Variants in FFAR4 observed in about 807,000 individuals in gnomAD.
The protein encoded by FFAR4 is free fatty acid receptor 4.
In FFAR4, 19 loss-of-function variants were observed where a neutral mutation model predicts 27.0. That is an observed-to-expected ratio of 0.70 (90% CI 0.49 to 1.03). FFAR4 has a LOEUF of 1.03. FFAR4 is among the 50% of genes least tolerant of loss of function. The probability of loss-of-function intolerance (pLI) is 0.00; values close to 1 mark genes in which losing one functional copy is unlikely to be tolerated. For synonymous variants in FFAR4, 254 were observed against 215.6 expected (o/e 1.18, Z -1.56); for missense variants, 476 against 479.0 (o/e 0.99, Z 0.06).
At chr10:93,574,937 AC>A (rs1352330488) in intron 1 of FFAR4, among the ~76,000 whole-genome samples, 1 of 152,198 alleles carries the variant, frequency 6.6e-6, no homozygotes, top group Non-Finnish European at 1.5e-5. Flanking sequence ...CTTTCCAGTC[AC>A]CAAAATGTGG....
rs538986070 is a variant in FFAR4, at chr10:93,574,702, C to T, written c.568-1389C>T. On this transcript the variant is annotated intron_variant, in intron 1 of 2. Transcript: ENST00000371481. The stretch of plus-strand genomic sequence containing the variant: ...AGGAGATCGAGACCATTCTGGCTAA[C>T]ATGGTGAAACCCCGTCTCTACTAAA... 1.2e-4 allele frequency among the ~76,000 whole-genome samples: 18 copies of T among 151,748 alleles called. No individual in the cohort carries two copies. In the South Asian group the frequency reaches 3.6e-3, roughly 30 times the overall value.
intron 2 of FFAR4, 83 bp from the exon 3 acceptor site, chr10:93,587,137 A>C: frequency 5.6e-6 from 7 of 1,243,640 alleles, no homozygotes; most frequent in East Asian, 2.3e-5. Context: ...GGGATAGCAG[A>C]TTCCAACTCT....
intron 2 of FFAR4, among the ~76,000 whole-genome samples, chr10:93,586,976 A>G (rs997937726): frequency 4.6e-5 from 7 of 152,166 alleles, no homozygotes; most frequent in Non-Finnish European, 7.3e-5. Context: ...AGACCACCCA[A>G]TTCAGGCTTT....
chr10:93,587,482 T>C lies in FFAR4; in HGVS notation c.959T>C (p.Leu320Pro), dbSNP rs757687502. 2 of 1,614,116 alleles carry C rather than the reference T, an allele frequency of 1.2e-6. No individual in the cohort carries two copies. Among genetic ancestry groups the C allele is most frequent in the Admixed American group, 1.7e-5 (1 of 59,998 alleles). Residue 320 changes from leucine to proline, a missense_variant, in exon 3 of 3, where the codon CTC (leucine) becomes CCC (proline). Leu to Pro is a moderately conservative substitution (Grantham distance 98). Transcript: ENST00000371481. ...GCTAATTCAGCCCTAAACCCCATCC[T>C]CTACAACATGACACTGTGCAGGAAT... ...TFANSALNPILYNMTLCRNEW... is the reference protein window; with the variant it reads ...TFANSALNPIPYNMTLCRNEW...
chr10:93,583,157 C>T (rs1184683925), intron 2 of FFAR4, among the ~76,000 whole-genome samples: 1 of 150,342 alleles, frequency 6.7e-6, no homozygotes, highest in Admixed American at 6.7e-5. Flanking sequence ...AATCCTAGCA[C>T]TTTGGGAGGC....
intron 2 of FFAR4, among the ~76,000 whole-genome samples, chr10:93,577,113 A>G (rs1294192573): frequency 1.3e-5 from 2 of 152,232 alleles, no homozygotes; most frequent in African/African-American, 2.4e-5. Context: ...AGGACGAGTC[A>G]GCCTGTTTTA....
Position 93,587,152 on chromosome 10 carries a change from C to A in FFAR4, c.697-68C>A, listed in dbSNP as rs545006479. Reference sequence around the variant, plus strand: ...GGGATAGCAGATTCCAACTCTTGGGCCCCTAACTCAAAATCCCCAACAACC... The same window carrying A: ...GGGATAGCAGATTCCAACTCTTGGGACCCTAACTCAAAATCCCCAACAACC... On this transcript the variant is annotated intron_variant, in intron 2 of 2. Transcript: ENST00000371481. The A allele has an allele frequency of 3.6e-6, 5 of 1,400,262 alleles. No individual in the cohort carries two copies. The African/African-American group carries it at 4.3e-5, about 12-fold the overall frequency. The allele number at this position is 1,400,262 out of a possible 1,614,324, so 86.7% of individuals were successfully genotyped here.
intron 2 of FFAR4, among the ~76,000 whole-genome samples, chr10:93,580,369 G>T (rs1400127774): frequency 6.6e-6 from 1 of 152,176 alleles, no homozygotes; most frequent in Non-Finnish European, 1.5e-5. Flanking sequence ...CTGTAACCCA[G>T]GTCTCATCTC....
chr10:93,580,088 G>A (rs551466504), intron 2 of FFAR4, among the ~76,000 whole-genome samples: 9 of 152,250 alleles, frequency 5.9e-5, no homozygotes, highest in South Asian at 4.1e-4. Flanking sequence ...TGATAATTTG[G>A]AAGCAGACAA....
At chr10:93,569,463 G>A (rs753039998) in intron 1 of FFAR4, among the ~76,000 whole-genome samples, 3 of 152,198 alleles carry the variant, frequency 2.0e-5, no homozygotes, top group African/African-American at 7.2e-5. Flanking sequence ...ACTTAGTACC[G>A]CACCACTGTT....
At chr10:93,573,305 C>G (rs556469422) in intron 1 of FFAR4, among the ~76,000 whole-genome samples, 2 of 152,220 alleles carry the variant, frequency 1.3e-5, no homozygotes, top group Non-Finnish European at 2.9e-5. Flanking sequence ...TTCTGTAACT[C>G]AGTAACAAGG....
In FFAR4 at chr10:93,567,304, G is replaced by A. The variant is rs780756179; in HGVS notation, c.567+17G>A. The A allele has an allele frequency of 1.2e-5, 19 of 1,594,130 alleles. No homozygotes were observed. The highest frequency in any genetic ancestry group is 1.7e-4 in the Middle Eastern group (1 of 6,026). On this transcript the variant is annotated intron_variant, in intron 1 of 2. Transcript: ENST00000371481. ...GCCGACCAGGTGAGCGCCCCTCTGT[G>A]TGTGCCGGGCAGGTGTCCTGCGCAG...
At position 93,566,895 on chromosome 10, in the gene FFAR4, G is replaced by A. The variant is rs1297564830; in HGVS notation, c.175G>A (p.Val59Met). The change falls in exon 1 of 3, where the codon GTG becomes ATG. Residue 59 changes from valine (V) to methionine (M), a missense_variant. Coordinates refer to ENST00000371481, the MANE Select transcript of FFAR4 (RefSeq NM_001195755.2). ...LIFAVSLLGN[V>M]CALVLVARRR... is the part of the protein sequence containing the mutation. Reference sequence around the variant, plus strand: ...CTTTGCAGTGTCGCTGCTGGGCAACGTGTGCGCCCTGGTGCTGGTGGCGCG... The same window carrying A: ...CTTTGCAGTGTCGCTGCTGGGCAACATGTGCGCCCTGGTGCTGGTGGCGCG... The A allele has an allele frequency of 6.2e-7, 1 of 1,606,610 alleles. No homozygotes were observed.
chr10:93,580,568 A>T (rs184060064), intron 2 of FFAR4, among the ~76,000 whole-genome samples: 88 of 152,308 alleles, frequency 5.8e-4, no homozygotes, highest in African/African-American at 2.1e-3. Flanking sequence ...ATGCCAATAT[A>T]CTTTGAGGAT....
At chr10:93,578,967 T>G (rs2058183080) in intron 2 of FFAR4, among the ~76,000 whole-genome samples, 1 of 152,198 alleles carries the variant, frequency 6.6e-6, no homozygotes, top group South Asian at 2.1e-4. Context: ...GCTTCTCAGC[T>G]GCCTGCTGAG....
rs1392555266 is a variant in FFAR4 at position 93,566,853 on chromosome 10, A to G, written c.133A>G (p.Thr45Ala). 3 of 1,600,542 alleles carry G rather than the reference A, an allele frequency of 1.9e-6. No homozygotes were observed. The highest frequency in any genetic ancestry group is 2.6e-6 in the Non-Finnish European group (3 of 1,175,232). The change falls in exon 1 of 3, where the codon ACC becomes GCC. Residue 45 changes from threonine (T) to alanine (A), a missense_variant. Physicochemically the swap from Thr to Ala is moderately conservative, Grantham distance 58 (BLOSUM62 0). Transcript: ENST00000371481. ...HRLVLAAVET[T>A]VLVLIFAVSL... The stretch of plus-strand genomic sequence containing the variant: ...GCTGGTGCTGGCCGCGGTGGAGACA[A>G]CCGTGCTGGTGCTCATCTTTGCAGT...
intron 1 of FFAR4, among the ~76,000 whole-genome samples, chr10:93,574,757 G>A (rs2058153114): frequency 6.6e-6 from 1 of 152,084 alleles, no homozygotes; most frequent in Non-Finnish European, 1.5e-5. Context: ...AGCTGGTCAT[G>A]GTGGCGTGCT....
At chr10:93,578,581 C>T (rs1318065961) in intron 2 of FFAR4, among the ~76,000 whole-genome samples, 1 of 152,146 alleles carries the variant, frequency 6.6e-6, no homozygotes, top group Non-Finnish European at 1.5e-5. Flanking sequence ...GCCTCAGTTT[C>T]CTCATCTGCA....
intron 1 of FFAR4, among the ~76,000 whole-genome samples, chr10:93,572,558 G>A (rs1564782143): frequency 6.6e-6 from 1 of 152,158 alleles, no homozygotes; most frequent in African/African-American, 2.4e-5. Flanking sequence ...TTGGGGGTAG[G>A]CCAGTGAAAA....
Sources: gnomAD v4.1 joint callset for allele counts (sites outside exome capture counted in the v4.1 genomes callset) on GRCh38, gnomAD v4.1.1 for gene constraint, MANE v1.5 for transcripts, NCBI Gene and HGNC (gene_info 2026-07-23, HGNC 2026-07-21) for gene names.